Variants in ZNF277 observed in about 807,000 individuals in gnomAD.
The protein encoded by ZNF277 is nuclear receptor-interacting factor 4.
In ZNF277, 55 loss-of-function variants were observed where a neutral mutation model predicts 60.7. That is an observed-to-expected ratio of 0.91 (90% confidence interval 0.73 to 1.13). ZNF277 has a LOEUF of 1.13. Ranked by LOEUF, ZNF277 falls within the 50% of genes most tolerant of loss-of-function variation. The pLI, the probability that ZNF277 is intolerant of heterozygous loss-of-function variation, is 0.00. For synonymous variants in ZNF277, 178 were observed against 179.3 expected (o/e 0.99, Z 0.06); for missense variants, 510 against 523.0 (o/e 0.98, Z 0.24).
At chr7:112,224,648 G>A (rs1161841394) in intron 1 of ZNF277, among the ~76,000 whole-genome samples, 1 of 152,150 alleles carries the variant, frequency 6.6e-6, no homozygotes, top group Non-Finnish European at 1.5e-5. Context: ...TTGAGGACGG[G>A]GGATTCTTTC....
chr7:112,242,525 A>G (rs2116995922), intron 1 of ZNF277, among the ~76,000 whole-genome samples: 1 of 151,248 alleles, frequency 6.6e-6, no homozygotes, highest in Non-Finnish European at 1.5e-5. Context: ...TGAGAACCAA[A>G]TCAAGAAGTC....
chr7:112,235,619 A>G (rs73422546), intron 1 of ZNF277, among the ~76,000 whole-genome samples: 2,545 of 151,804 alleles, frequency 0.017, 82 homozygotes, highest in African/African-American at 0.058. Context: ...TATCTTTTTT[A>G]TTATTTGTAA....
chr7:112,302,752 G>A lies in ZNF277; in HGVS notation c.465+6441G>A, dbSNP rs538886777. ...TATACTGGTTGAGTGAGATCAGGCA[G>A]GAAATATTACCCCTGTTTAACAGGA... On this transcript the variant is annotated intron_variant, in intron 4 of 11. Coordinates refer to ENST00000361822, the MANE Select transcript of ZNF277 (RefSeq NM_021994.3). Among the ~76,000 whole-genome samples, 8 of 152,080 alleles carry A rather than the reference G, an allele frequency of 5.3e-5. No individual in the cohort carries two copies. In the South Asian group the frequency reaches 1.7e-3, roughly 32 times the overall value.
intron 1 of ZNF277, among the ~76,000 whole-genome samples, chr7:112,209,529 T>TA (rs1314012117): frequency 2.0e-5 from 3 of 152,088 alleles, no homozygotes; most frequent in Non-Finnish European, 2.9e-5. Flanking sequence ...ATCTATAACA[T>TA]AAAAAAATTT....
intron 1 of ZNF277, among the ~76,000 whole-genome samples, chr7:112,227,660 CTTGTAAGTTATATTT>C (rs1406324553): frequency 6.6e-6 from 1 of 152,086 alleles, no homozygotes; most frequent in African/African-American, 2.4e-5. Flanking sequence ...CAGTTATATT[CTTGTAAGTTATATTT>C]TGTAAATATT....
At chr7:112,270,285 A>G (rs578059795) in intron 1 of ZNF277, among the ~76,000 whole-genome samples, 1 of 152,104 alleles carries the variant, frequency 6.6e-6, no homozygotes, top group South Asian at 2.1e-4. Context: ...TAAATATCTA[A>G]CCCTGGGTAT....
chr7:112,255,923 A>T (rs983131545), intron 1 of ZNF277, among the ~76,000 whole-genome samples: 13 of 152,098 alleles, frequency 8.5e-5, no homozygotes, highest in African/African-American at 2.9e-4. Flanking sequence ...GACTTGTTAC[A>T]CTTTGGCAGA....
intron 1 of ZNF277, among the ~76,000 whole-genome samples, chr7:112,236,953 C>T (rs553698961): frequency 3.3e-5 from 5 of 152,188 alleles, no homozygotes; most frequent in African/African-American, 9.6e-5. Context: ...GAGTATAGAA[C>T]ATTCTTCAAG....
At chr7:112,296,520 A>G (rs1388318820) in intron 4 of ZNF277, among the ~76,000 whole-genome samples, 1 of 152,014 alleles carries the variant, frequency 6.6e-6, no homozygotes, top group African/African-American at 2.4e-5. Context: ...TGCAGAGAGA[A>G]TTTTTGGCTT....
intron 1 of ZNF277, among the ~76,000 whole-genome samples, chr7:112,231,229 AT>A (rs1190961529): frequency 6.9e-6 from 1 of 144,258 alleles, no homozygotes; most frequent in Non-Finnish European, 1.5e-5. Flanking sequence ...AAAAAAAAAA[AT>A]TGTGTCTTTG....
intron 7 of ZNF277, among the ~76,000 whole-genome samples, chr7:112,332,106 G>A (rs13438257): frequency 0.044 from 6,674 of 152,256 alleles, 349 homozygotes; most frequent in African/African-American, 0.13. Context: ...TACAGGGCAC[G>A]GATTTGATGT....
chr7:112,213,938 A>G (rs1821817280), intron 1 of ZNF277, among the ~76,000 whole-genome samples: 1 of 152,206 alleles, frequency 6.6e-6, no homozygotes, highest in Non-Finnish European at 1.5e-5. Flanking sequence ...ATTAGGTGAG[A>G]TGATATAATA....
chr7:112,219,755 C>A (rs1821978541), intron 1 of ZNF277, among the ~76,000 whole-genome samples: 1 of 152,164 alleles, frequency 6.6e-6, no homozygotes, highest in African/African-American at 2.4e-5. Flanking sequence ...CCCACCTCAG[C>A]CTCCTGAGTA....
At chr7:112,284,205 G>A (rs1200967495) in intron 1 of ZNF277, among the ~76,000 whole-genome samples, 2 of 152,182 alleles carry the variant, frequency 1.3e-5, no homozygotes, top group Non-Finnish European at 2.9e-5. Flanking sequence ...TTTGCAAATA[G>A]CAAGTAGCTG....
chr7:112,224,924 C>A (rs1402344593), intron 1 of ZNF277, among the ~76,000 whole-genome samples: 1 of 152,104 alleles, frequency 6.6e-6, no homozygotes, highest in African/African-American at 2.4e-5. Flanking sequence ...AGGAGGAATG[C>A]TTGAGGTCAG....
chr7:112,286,555 T>A (rs1394630701), intron 1 of ZNF277, among the ~76,000 whole-genome samples: 1 of 152,172 alleles, frequency 6.6e-6, no homozygotes, highest in Non-Finnish European at 1.5e-5. Flanking sequence ...CCCTTGCAAG[T>A]ACCCCGGGAA....
intron 6 of ZNF277, among the ~76,000 whole-genome samples, chr7:112,328,695 AC>A (rs1433628134): frequency 6.6e-6 from 1 of 151,890 alleles, no homozygotes; most frequent in East Asian, 1.9e-4. Flanking sequence ...ACATGGAGAA[AC>A]CCCATCTCTA....
intron 1 of ZNF277, among the ~76,000 whole-genome samples, chr7:112,252,762 G>A (rs1791227390): frequency 6.6e-6 from 1 of 152,172 alleles, no homozygotes; most frequent in Non-Finnish European, 1.5e-5. Context: ...GAAGTGCGGT[G>A]ACAACATATG....
intron 1 of ZNF277, among the ~76,000 whole-genome samples, chr7:112,282,874 C>G (rs1426166280): frequency 3.9e-5 from 6 of 152,222 alleles, no homozygotes; most frequent in Admixed American, 1.3e-4. Flanking sequence ...CCCCTCAGTT[C>G]CTTCATCTGT....
Sources: gnomAD v4.1 joint callset for allele counts (sites outside exome capture counted in the v4.1 genomes callset) on GRCh38, gnomAD v4.1.1 for gene constraint, MANE v1.5 for transcripts, NCBI Gene and HGNC (gene_info 2026-07-23, HGNC 2026-07-21) for gene names.